LHFPL2: variants seen among roughly 807,000 people sequenced by gnomAD.
LHFPL2 encodes the protein LHFPL tetraspan subfamily member 2, also known as LHFPL tetraspan subfamily member 2 protein.
Under a neutral mutation model 17.5 loss-of-function variants are expected in LHFPL2, and 7 were observed. The observed-to-expected ratio is 0.40, with a 90% CI of 0.23 to 0.75. The LOEUF (loss-of-function observed/expected upper bound fraction) is 0.75. LHFPL2 is among the 30% of genes least tolerant of loss of function. The pLI is 0.37. For missense variants in LHFPL2, 241 were observed against 294.8 expected (o/e 0.82, Z 1.34); for synonymous variants, 134 against 116.2 (o/e 1.15, Z -0.99).
At chr5:78,599,135 G>T (rs908802284) in intron 2 of LHFPL2, among the ~76,000 whole-genome samples, 9 of 152,062 alleles carry the variant, frequency 5.9e-5, no homozygotes, top group African/African-American at 1.4e-4. Flanking sequence ...TGGCTCAGCC[G>T]TACTGTTTTA....
chr5:78,559,414 T>C (rs1441349053), intron 3 of LHFPL2, among the ~76,000 whole-genome samples: 1 of 152,208 alleles, frequency 6.6e-6, no homozygotes, highest in Non-Finnish European at 1.5e-5. Flanking sequence ...AAGTTTATAG[T>C]CCATCAAGGG....
At chr5:78,647,710 C>T (rs928811731) in intron 1 of LHFPL2, among the ~76,000 whole-genome samples, 2 of 152,076 alleles carry the variant, frequency 1.3e-5, no homozygotes, top group African/African-American at 4.8e-5. Flanking sequence ...GAAACAAGCA[C>T]ATGGACTTTC....
intron 2 of LHFPL2, among the ~76,000 whole-genome samples, chr5:78,619,658 C>A (rs868843770): frequency 1.8e-5 from 2 of 110,822 alleles, no homozygotes; most frequent in Non-Finnish European, 3.6e-5. Context: ...CCCCTCCCCC[C>A]ACCCCACAAC....
intron 2 of LHFPL2, among the ~76,000 whole-genome samples, chr5:78,574,133 T>C (rs1168998204): frequency 6.6e-6 from 1 of 152,234 alleles, no homozygotes. Context: ...ATTATTTACA[T>C]AATGTCTGTT....
At chr5:78,624,010 A>G (rs569242124) in intron 2 of LHFPL2, among the ~76,000 whole-genome samples, 3 of 152,352 alleles carry the variant, frequency 2.0e-5, no homozygotes, top group Non-Finnish European at 4.4e-5. Flanking sequence ...GTAACGATTA[A>G]TGCCACTGTG....
chr5:78,606,132 AG>A (rs1324829282), intron 2 of LHFPL2, among the ~76,000 whole-genome samples: 9 of 152,218 alleles, frequency 5.9e-5, no homozygotes, highest in Non-Finnish European at 1.2e-4. Context: ...AGGTTTCTTG[AG>A]GGGAACAAAA....
chr5:78,499,079 AT>A (rs1261898796), intron 4 of LHFPL2, among the ~76,000 whole-genome samples: 1 of 152,224 alleles, frequency 6.6e-6, no homozygotes, highest in Non-Finnish European at 1.5e-5. Flanking sequence ...GCCATTTCTG[AT>A]GCCCATTTCC....
intron 2 of LHFPL2, among the ~76,000 whole-genome samples, chr5:78,604,493 A>C (rs1391153088): frequency 6.6e-6 from 1 of 152,226 alleles, no homozygotes; most frequent in Non-Finnish European, 1.5e-5. Flanking sequence ...TCAAAAAACA[A>C]AAAAAGAAGA....
chr5:78,535,241 A>C (rs574682651), intron 3 of LHFPL2, among the ~76,000 whole-genome samples: 247 of 152,306 alleles, frequency 1.6e-3, no homozygotes, highest in African/African-American at 5.7e-3. Context: ...CTGAACTGGC[A>C]CTACGCTGAG....
At chr5:78,643,434 C>T (rs1745749318) in intron 1 of LHFPL2, among the ~76,000 whole-genome samples, 1 of 152,146 alleles carries the variant, frequency 6.6e-6, no homozygotes, top group African/African-American at 2.4e-5. Flanking sequence ...AGTCGATGGT[C>T]AGATCCTACC....
intron 2 of LHFPL2, among the ~76,000 whole-genome samples, chr5:78,620,501 A>G (rs1376048362): frequency 3.3e-5 from 5 of 152,244 alleles, no homozygotes; most frequent in Non-Finnish European, 5.9e-5. Flanking sequence ...CAACAGATTG[A>G]AAAGCACCTC....
chr5:78,498,761 T>C (rs949312879), intron 4 of LHFPL2, among the ~76,000 whole-genome samples: 2 of 152,188 alleles, frequency 1.3e-5, no homozygotes, highest in African/African-American at 4.8e-5. Context: ...GAAAGAGACA[T>C]ACATGATACA....
intron 2 of LHFPL2, among the ~76,000 whole-genome samples, chr5:78,570,368 G>C (rs953541237): frequency 1.3e-5 from 2 of 152,124 alleles, no homozygotes; most frequent in Non-Finnish European, 2.9e-5. Context: ...AGGCAAGGAG[G>C]AATCGCAGGC....
intron 4 of LHFPL2, among the ~76,000 whole-genome samples, chr5:78,502,326 T>A (rs1266470308): frequency 6.6e-6 from 1 of 152,234 alleles, no homozygotes; most frequent in Non-Finnish European, 1.5e-5. Flanking sequence ...AGTTTCTCCA[T>A]TGTTGAAGCC....
intron 2 of LHFPL2, among the ~76,000 whole-genome samples, chr5:78,601,545 C>T (rs1744015430): frequency 6.6e-6 from 1 of 152,172 alleles, no homozygotes; most frequent in African/African-American, 2.4e-5. Flanking sequence ...AAACTAATAA[C>T]GAGTAAATCT....
intron 3 of LHFPL2, among the ~76,000 whole-genome samples, chr5:78,520,079 G>A (rs1481496888): frequency 1.3e-5 from 2 of 152,142 alleles, no homozygotes; most frequent in East Asian, 3.9e-4. Context: ...CTTTTTGGGT[G>A]GAACACAAAA....
intron 2 of LHFPL2, among the ~76,000 whole-genome samples, chr5:78,582,492 T>C (rs1328589765): frequency 4.0e-5 from 6 of 151,566 alleles, no homozygotes; most frequent in Non-Finnish European, 5.9e-5. Context: ...TGTGTCTTTG[T>C]TCTCGTTGGT....
At chr5:78,624,150 C>T (rs187483867) in intron 2 of LHFPL2, among the ~76,000 whole-genome samples, 3 of 152,338 alleles carry the variant, frequency 2.0e-5, no homozygotes, top group Non-Finnish European at 2.9e-5. Context: ...ATCAATAAGT[C>T]CTGTGATCTT....
chr5:78,592,535 CT>C (rs1252203838), intron 2 of LHFPL2, among the ~76,000 whole-genome samples: 1 of 152,196 alleles, frequency 6.6e-6, no homozygotes, highest in East Asian at 1.9e-4. Context: ...ACTGGCCCTT[CT>C]TGAGCATCTT....
Sources: allele counts gnomAD v4.1 joint callset (sites outside exome capture counted in the v4.1 genomes callset), GRCh38; gene constraint gnomAD v4.1.1; transcripts MANE v1.5; gene names NCBI Gene and HGNC (gene_info 2026-07-23, HGNC 2026-07-21).